Variants in CSMD1 observed in about 807,000 individuals in gnomAD.
CSMD1 encodes the protein CUB and sushi domain-containing protein 1.
Under a neutral mutation model 417.5 loss-of-function variants are expected in CSMD1, and 213 were observed. The ratio of observed to expected loss-of-function variants is 0.51; its 90% confidence interval spans 0.46 to 0.57. The LOEUF is 0.57. Ranked by LOEUF, CSMD1 falls within the 20% of genes least tolerant of loss-of-function variation. The probability of loss-of-function intolerance (pLI) is 0.00; values close to 1 mark genes in which losing one functional copy is unlikely to be tolerated. For missense variants in CSMD1, 6,923 were observed against 4,529.7 expected (o/e 1.53, Z -15.17); for synonymous variants, 2,862 against 1,736.8 (o/e 1.65, Z -16.11).
intron 26 of CSMD1, among the ~76,000 whole-genome samples, chr8:3,235,333 T>G (rs1799086120): frequency 6.6e-6 from 1 of 152,214 alleles, no homozygotes; most frequent in African/African-American, 2.4e-5. Context: ...AAAGAAAAGA[T>G]ATATAATACT....
intron 2 of CSMD1, among the ~76,000 whole-genome samples, chr8:4,589,371 C>T (rs1164221694): frequency 4.6e-5 from 7 of 152,164 alleles, no homozygotes; most frequent in Non-Finnish European, 8.8e-5. Context: ...ATATCTCACT[C>T]TTCTCAGGGA....
At chr8:4,344,306 A>C (rs1800653071) in intron 3 of CSMD1, among the ~76,000 whole-genome samples, 1 of 152,124 alleles carries the variant, frequency 6.6e-6, no homozygotes, top group Non-Finnish European at 1.5e-5. Flanking sequence ...TTAACAAAAC[A>C]TTTCAGACGT....
intron 3 of CSMD1, among the ~76,000 whole-genome samples, chr8:4,337,664 T>C (rs1033252508): frequency 2.0e-5 from 3 of 152,196 alleles, no homozygotes; most frequent in African/African-American, 7.2e-5. Context: ...CAGATTATTC[T>C]CACAGACAAT....
chr8:4,216,628 G>A (rs1248958404), intron 3 of CSMD1, among the ~76,000 whole-genome samples: 1 of 152,198 alleles, frequency 6.6e-6, no homozygotes, highest in East Asian at 1.9e-4. Flanking sequence ...TGAATGCTGG[G>A]CCTCACAGCC....
At chr8:4,138,089 T>G (rs2552169) in intron 3 of CSMD1, among the ~76,000 whole-genome samples, 5,111 of 58,852 alleles carry the variant, frequency 0.087, 981 homozygotes, top group Non-Finnish European at 0.15. Flanking sequence ...TTTTTTTTTG[T>G]ATTTTTTAGT....
At chr8:3,577,515 A>G (rs1800201510) in intron 9 of CSMD1, among the ~76,000 whole-genome samples, 2 of 152,204 alleles carry the variant, frequency 1.3e-5, no homozygotes, top group Admixed American at 1.3e-4. Flanking sequence ...ATCTAAAATG[A>G]ATATTGGGAA....
rs897044334 is a variant in CSMD1 at position 4,235,368 on chromosome 8, TTTG to T, written c.415+184582_415+184584del. On this transcript the variant is annotated intron_variant, in intron 3 of 69. Coordinates refer to ENST00000635120, the MANE Select transcript of CSMD1 (RefSeq NM_033225.6). ...ATCAAAAGACGTGTTTTGTTTTTTT[TTTG>T]TTTGTTTGTTTTTTGTTTTTACTCA... Among the ~76,000 whole-genome samples the T allele has an allele frequency of 1.1e-4, 17 of 148,158 alleles. No individual in the cohort carries two copies. The South Asian group carries it at 1.8e-3, about 15-fold the overall frequency.
At chr8:4,489,016 T>C (rs1801563968) in intron 2 of CSMD1, among the ~76,000 whole-genome samples, 1 of 152,196 alleles carries the variant, frequency 6.6e-6, no homozygotes, top group Non-Finnish European at 1.5e-5. Context: ...CTTCAAGCAA[T>C]TCCCCTGTCT....
intron 18 of CSMD1, among the ~76,000 whole-genome samples, chr8:3,379,665 T>A (rs1810513635): frequency 6.6e-6 from 1 of 152,172 alleles, no homozygotes; most frequent in African/African-American, 2.4e-5. Flanking sequence ...CCGTATTTAA[T>A]AAATGGTGTT....
At position 4,833,197 on chromosome 8, in the gene CSMD1, G is replaced by A. The variant is rs118017509; in HGVS notation, c.85+161135C>T. On this transcript the variant is annotated intron_variant, in intron 1 of 69. Coordinates refer to ENST00000635120, the MANE Select transcript of CSMD1 (RefSeq NM_033225.6). ...TATAAAAAAAACTATGTGAGACTGG[G>A]TAATTTATAAAGAAAAGTGGATTAA... Among the ~76,000 whole-genome samples the A allele has an allele frequency of 8.4e-3, 1,278 of 152,280 alleles. 14 individuals are homozygous for A. Among genetic ancestry groups the A allele is most frequent in the Non-Finnish European group, 9.7e-3 (659 of 68,028 alleles).
At chr8:4,628,606 A>C (rs1802303815) in intron 2 of CSMD1, among the ~76,000 whole-genome samples, 1 of 73,768 alleles carries the variant, frequency 1.4e-5, no homozygotes, top group African/African-American at 3.9e-5. Flanking sequence ...AGGAAAAAGA[A>C]AATGTTAAAA....
chr8:3,901,700 G>C (rs1277924834), intron 5 of CSMD1, among the ~76,000 whole-genome samples: 2 of 152,274 alleles, frequency 1.3e-5, no homozygotes, highest in Admixed American at 1.3e-4. Flanking sequence ...ATTAGATTTT[G>C]AAATGGCAAA....
At chr8:4,246,827 A>C (rs2128827439) in intron 3 of CSMD1, among the ~76,000 whole-genome samples, 1 of 152,322 alleles carries the variant, frequency 6.6e-6, no homozygotes, top group East Asian at 1.9e-4. Context: ...CTTGTAAATA[A>C]ATGTTCATAG....
intron 18 of CSMD1, among the ~76,000 whole-genome samples, chr8:3,378,838 A>T (rs1253417030): frequency 6.6e-6 from 1 of 152,220 alleles, no homozygotes; most frequent in East Asian, 1.9e-4. Flanking sequence ...AACTGGCAAA[A>T]GACAAGGATG....
chr8:4,876,601 T>G (rs1803056290), intron 1 of CSMD1, among the ~76,000 whole-genome samples: 1 of 152,124 alleles, frequency 6.6e-6, no homozygotes, highest in African/African-American at 2.4e-5. Context: ...CCTTTTTTTG[T>G]AAACTTAGCA....
chr8:4,285,018 A>G (rs533813920), intron 3 of CSMD1, among the ~76,000 whole-genome samples: 52 of 152,288 alleles, frequency 3.4e-4, no homozygotes, highest in African/African-American at 1.2e-3. Context: ...GGGGATAATA[A>G]TGGTGTCCAC....
chr8:3,965,651 C>A (rs1006269216), intron 5 of CSMD1, among the ~76,000 whole-genome samples: 3 of 151,500 alleles, frequency 2.0e-5, no homozygotes, highest in East Asian at 3.9e-4. Context: ...GGAGTCTCAC[C>A]CTGTCGCCCA....
chr8:4,031,711 G>C (rs1563340127), intron 4 of CSMD1, among the ~76,000 whole-genome samples, 194 bp downstream of exon 4: 2 of 152,112 alleles, frequency 1.3e-5, no homozygotes, highest in South Asian at 2.1e-4. Context: ...AATATTAAAT[G>C]TTATTACACA....
chr8:4,748,980 A>G (rs938094165), intron 1 of CSMD1, among the ~76,000 whole-genome samples: 11 of 152,226 alleles, frequency 7.2e-5, no homozygotes, highest in Non-Finnish European at 1.6e-4. Context: ...GTTCTAAGCT[A>G]CTGGCATTAA....
Sources: gnomAD v4.1 joint callset for allele counts (sites outside exome capture counted in the v4.1 genomes callset) on GRCh38, gnomAD v4.1.1 for gene constraint, MANE v1.5 for transcripts, NCBI Gene and HGNC (gene_info 2026-07-23, HGNC 2026-07-21) for gene names.